Variants in KCNMA1 observed in about 807,000 individuals in gnomAD.
The protein encoded by KCNMA1 is potassium calcium-activated channel subfamily M alpha 1.
In KCNMA1, 29 loss-of-function variants were observed where a neutral mutation model predicts 140.0. The observed-to-expected ratio is 0.21, with a 90% CI of 0.15 to 0.28. KCNMA1 has a LOEUF of 0.28. KCNMA1 is among the 10% of genes least tolerant of loss of function. The pLI is 1.00. For synonymous variants in KCNMA1, 612 were observed against 611.9 expected (o/e 1.00, Z 0.00); for missense variants, 880 against 1,602.2 (o/e 0.55, Z 7.70).
chr10:77,506,873 TAGAG>T (rs972452386), intron 1 of KCNMA1, among the ~76,000 whole-genome samples: 6 of 88,652 alleles, frequency 6.8e-5, no homozygotes, highest in African/African-American at 1.0e-4. Flanking sequence ...GTGTGTGTGT[TAGAG>T]AGGGAGAGAG....
intron 1 of KCNMA1, among the ~76,000 whole-genome samples, chr10:77,425,378 A>G (rs2096961504): frequency 6.6e-6 from 1 of 152,106 alleles, no homozygotes; most frequent in Non-Finnish European, 1.5e-5. Flanking sequence ...GAGCACTGGT[A>G]TCTCCCCAAA....
At chr10:76,884,805 GA>G (rs994006694), downstream of KCNMA1, 178 of 879,046 alleles carry the variant, frequency 2.0e-4, no homozygotes, top group Admixed American at 1.3e-3. Context: ...GGGAGGGGGG[GA>G]AAAGCAAAAC....
intron 1 of KCNMA1, among the ~76,000 whole-genome samples, chr10:77,425,866 T>C (rs749842125): frequency 6.6e-5 from 10 of 152,196 alleles, no homozygotes; most frequent in Non-Finnish European, 1.2e-4. Flanking sequence ...TAGGCACCTG[T>C]GTTCATCGCG....
chr10:77,633,884 C>T (rs561749861), intron 1 of KCNMA1, among the ~76,000 whole-genome samples: 12 of 152,266 alleles, frequency 7.9e-5, no homozygotes, highest in African/African-American at 9.6e-5. Flanking sequence ...TGCTGGAAGA[C>T]GAGCAGAAGA....
intron 10 of KCNMA1, among the ~76,000 whole-genome samples, chr10:77,090,139 C>T (rs2096779797): frequency 6.6e-6 from 1 of 152,276 alleles, no homozygotes; most frequent in South Asian, 2.1e-4. Context: ...ATTATTTCTT[C>T]CAGAGATAAA....
intron 1 of KCNMA1, among the ~76,000 whole-genome samples, chr10:77,542,377 T>C (rs988296298): frequency 3.3e-5 from 5 of 152,218 alleles, no homozygotes; most frequent in African/African-American, 1.2e-4. Context: ...ATCCCTGTGC[T>C]AACACCCCCT....
chr10:77,251,137 T>C (rs2059585713), intron 3 of KCNMA1, 58 bp downstream of exon 3: 1 of 1,341,828 alleles, frequency 7.5e-7, no homozygotes, highest in Non-Finnish European at 1.1e-6. Context: ...AATGGATCAA[T>C]GTAAAGGCTC....
chr10:77,559,076 T>C (rs1347360657), intron 1 of KCNMA1, among the ~76,000 whole-genome samples: 1 of 152,152 alleles, frequency 6.6e-6, no homozygotes, highest in Non-Finnish European at 1.5e-5. Context: ...CCAGCCCCTG[T>C]CACTGGGCAA....
chr10:77,318,880 T>C (rs962762786), intron 2 of KCNMA1, among the ~76,000 whole-genome samples: 21 of 152,148 alleles, frequency 1.4e-4, no homozygotes, highest in African/African-American at 4.8e-4. Flanking sequence ...CAAGTTGCTT[T>C]TCTGAGCAAA....
chr10:77,374,043 A>G (rs1432701131), intron 2 of KCNMA1, among the ~76,000 whole-genome samples: 9 of 152,330 alleles, frequency 5.9e-5, no homozygotes, highest in South Asian at 2.1e-4. Flanking sequence ...GCATATGTCA[A>G]TGGCTGATTG....
intron 5 of KCNMA1, among the ~76,000 whole-genome samples, chr10:77,176,160 G>C (rs557849536): frequency 2.6e-5 from 4 of 152,228 alleles, no homozygotes; most frequent in African/African-American, 9.6e-5. Context: ...CTGAGCCCTG[G>C]GTGGGGTAAC....
intron 1 of KCNMA1, among the ~76,000 whole-genome samples, chr10:77,502,277 T>A (rs1301290623): frequency 4.6e-5 from 7 of 152,178 alleles, no homozygotes; most frequent in Non-Finnish European, 7.3e-5. Context: ...TTCCCTTACA[T>A]GGAGAAATAC....
chr10:77,577,722 G>T (rs2074643816), intron 1 of KCNMA1, among the ~76,000 whole-genome samples: 1 of 152,166 alleles, frequency 6.6e-6, no homozygotes. Context: ...TGGGTAACTA[G>T]GGTCTCCCAG....
At position 76,986,945 on chromosome 10, in the gene KCNMA1, T is replaced by C. The variant is rs1374881676; in HGVS notation, c.2266+14462A>G. Among the ~76,000 whole-genome samples the C allele has an allele frequency of 4.6e-5, 7 of 152,170 alleles. No homozygotes were observed. The East Asian group carries it at 1.3e-3, about 29-fold the overall frequency. ...CAGTGATCAATTTGAGATCAATCTA[T>C]TCAAGAGTTGTCCAGCAGTCAAAGG... On this transcript the variant is annotated intron_variant, in intron 19 of 27. Coordinates refer to ENST00000286628, the MANE Select transcript of KCNMA1 (RefSeq NM_001161352.2).
At chr10:77,436,159 C>T (rs555131169) in intron 1 of KCNMA1, among the ~76,000 whole-genome samples, 20 of 152,286 alleles carry the variant, frequency 1.3e-4, no homozygotes, top group Admixed American at 2.6e-4. Flanking sequence ...GTCCAAAATC[C>T]GTTTGTAAGG....
At chr10:76,894,691 T>C (rs890324925) in intron 25 of KCNMA1, among the ~76,000 whole-genome samples, 1 of 152,112 alleles carries the variant, frequency 6.6e-6, no homozygotes, top group Non-Finnish European at 1.5e-5. Flanking sequence ...CAAAAAGATA[T>C]AAAAGTGGTT....
chr10:77,434,332 G>A (rs946679609), intron 1 of KCNMA1, among the ~76,000 whole-genome samples: 1 of 152,172 alleles, frequency 6.6e-6, no homozygotes, highest in Non-Finnish European at 1.5e-5. Context: ...TCTCGTTCCT[G>A]TGGAAAGGAG....
At chr10:77,513,777 A>G (rs1318017627) in intron 1 of KCNMA1, among the ~76,000 whole-genome samples, 1 of 152,228 alleles carries the variant, frequency 6.6e-6, no homozygotes, top group South Asian at 2.1e-4. Flanking sequence ...CCACTCAGCC[A>G]TAGAAACTGC....
At chr10:77,211,403 C>T (rs539697639) in intron 3 of KCNMA1, among the ~76,000 whole-genome samples, 32 of 152,082 alleles carry the variant, frequency 2.1e-4, no homozygotes, top group Middle Eastern at 6.8e-3. Flanking sequence ...GCTAACCATA[C>T]GTAGAAGAAT....
Sources: allele counts gnomAD v4.1 joint callset (sites outside exome capture counted in the v4.1 genomes callset), GRCh38; gene constraint gnomAD v4.1.1; transcripts MANE v1.5; gene names NCBI Gene and HGNC (gene_info 2026-07-23, HGNC 2026-07-21).